NDUFAF2: variants seen among roughly 807,000 people sequenced by gnomAD.
The protein encoded by NDUFAF2 is NADH:ubiquinone oxidoreductase complex assembly factor 2.
NDUFAF2 carries 13 observed loss-of-function variants against 22.8 expected under a neutral mutation model. The observed-to-expected ratio is 0.57, with a 90% CI of 0.37 to 0.91. The LOEUF is 0.91. Among genes scored for constraint, NDUFAF2 ranks in the 40% least tolerant of loss-of-function variants. NDUFAF2 has a pLI of 0.01. For synonymous variants in NDUFAF2, 53 were observed against 64.2 expected, an observed-to-expected ratio of 0.83 and a Z score of 0.84; for missense variants, 162 against 195.2, an observed-to-expected ratio of 0.83 and a Z score of 1.01.
intron 3 of NDUFAF2, among the ~76,000 whole-genome samples, chr5:61,138,215 C>A (rs916154538): frequency 1.3e-5 from 2 of 152,062 alleles, no homozygotes. Context: ...CATGAAAGGT[C>A]ACTCTGATTT....
chr5:61,082,914 A>G (rs1338749020), intron 2 of NDUFAF2, among the ~76,000 whole-genome samples: 1 of 152,168 alleles, frequency 6.6e-6, no homozygotes, highest in Non-Finnish European at 1.5e-5. Context: ...GTCAAGTGAT[A>G]GTTCTATTTT....
intron 1 of NDUFAF2, among the ~76,000 whole-genome samples, chr5:60,984,866 G>A (rs1196891117): frequency 6.6e-6 from 1 of 151,776 alleles, no homozygotes; most frequent in African/African-American, 2.4e-5. Flanking sequence ...TTTTTTTGTT[G>A]TGTCTCTGCC....
intron 2 of NDUFAF2, among the ~76,000 whole-genome samples, chr5:61,090,539 A>G (rs1752553606): frequency 6.6e-6 from 1 of 152,078 alleles, no homozygotes; most frequent in Admixed American, 6.6e-5. Context: ...TGATTTTTCT[A>G]AAGCTAGAAT....
At chr5:61,127,298 C>T (rs928535663) in intron 3 of NDUFAF2, among the ~76,000 whole-genome samples, 4 of 152,118 alleles carry the variant, frequency 2.6e-5, no homozygotes, top group African/African-American at 7.2e-5. Context: ...AGGCCAGCAT[C>T]ATCCTGATAC....
At chr5:61,034,426 T>G (rs373013299) in intron 1 of NDUFAF2, among the ~76,000 whole-genome samples, 19 of 152,304 alleles carry the variant, frequency 1.2e-4, no homozygotes, top group African/African-American at 4.6e-4. Context: ...CTGTAGGCAC[T>G]TGTAACACAA....
intron 1 of NDUFAF2, among the ~76,000 whole-genome samples, chr5:60,967,330 T>C (rs1750770880): frequency 6.6e-6 from 1 of 152,050 alleles, no homozygotes; most frequent in Admixed American, 6.6e-5. Flanking sequence ...ATGTCTTTTA[T>C]TTATTTTTCT....
At chr5:61,148,817 A>G (rs1041199735) in intron 3 of NDUFAF2, among the ~76,000 whole-genome samples, 2 of 152,246 alleles carry the variant, frequency 1.3e-5, no homozygotes, top group African/African-American at 4.8e-5. Flanking sequence ...ACATAGTCAC[A>G]TATAAACAAG....
intron 3 of NDUFAF2, among the ~76,000 whole-genome samples, chr5:61,103,780 G>A (rs973136586): frequency 6.6e-6 from 1 of 152,058 alleles, no homozygotes; most frequent in African/African-American, 2.4e-5. Context: ...TTACCTGCAG[G>A]TTACCAGTGA....
Position 61,120,385 on chromosome 5 carries a change from T to C in NDUFAF2, c.258+21353T>C, listed in dbSNP as rs114105044. Among the ~76,000 whole-genome samples the C allele has an allele frequency of 7.2e-3, 1,100 of 152,278 alleles. 10 individuals are homozygous for C. Among genetic ancestry groups the C allele is most frequent in the African/African-American group, 0.025 (1,058 of 41,584 alleles). ...TTTATGCTAGTTTGTGTTATAAATC[T>C]TTTTGGTTTTGAAAACATTTATTTT... On this transcript the variant is annotated intron_variant, in intron 3 of 3. Transcript: ENST00000296597.
At chr5:61,070,152 T>C (rs1380158226) in intron 1 of NDUFAF2, among the ~76,000 whole-genome samples, 1 of 152,212 alleles carries the variant, frequency 6.6e-6, no homozygotes, top group Non-Finnish European at 1.5e-5. Flanking sequence ...ACCAAGTTAA[T>C]TTTTAAATGT....
intron 1 of NDUFAF2, among the ~76,000 whole-genome samples, chr5:60,956,272 G>A (rs1306984464): frequency 6.6e-6 from 1 of 152,006 alleles, no homozygotes; most frequent in East Asian, 1.9e-4. Flanking sequence ...TTTGTGTGTG[G>A]AATCTTTGGG....
At chr5:61,038,273 A>G (rs1324212646) in intron 1 of NDUFAF2, among the ~76,000 whole-genome samples, 1 of 152,224 alleles carries the variant, frequency 6.6e-6, no homozygotes, top group Non-Finnish European at 1.5e-5. Context: ...GAAAGTATAA[A>G]AAAGGCAACA....
At chr5:61,126,240 A>G (rs1241266338) in intron 3 of NDUFAF2, among the ~76,000 whole-genome samples, 2 of 151,964 alleles carry the variant, frequency 1.3e-5, no homozygotes, top group Admixed American at 6.6e-5. Context: ...GATTTGCACA[A>G]CTGGATATAA....
intron 1 of NDUFAF2, among the ~76,000 whole-genome samples, chr5:61,051,828 A>T (rs572450431): frequency 1.6e-4 from 24 of 152,150 alleles, no homozygotes; most frequent in Non-Finnish European, 2.5e-4. Flanking sequence ...GAAAAAGTAG[A>T]ACCAGATATG....
chr5:61,045,056 G>GTAAAATAAAATTTTATTAAATTTTAA (rs1554081100), intron 1 of NDUFAF2, among the ~76,000 whole-genome samples: 2 of 128,680 alleles, frequency 1.6e-5, no homozygotes, highest in Non-Finnish European at 3.3e-5. Flanking sequence ...TTTTAATAAA[G>GTAAAATAAAATTTTATTAAATTTTAA]TAAAATAAAG....
intron 3 of NDUFAF2, among the ~76,000 whole-genome samples, chr5:61,132,791 G>T (rs1293844845): frequency 6.6e-6 from 1 of 152,166 alleles, no homozygotes; most frequent in East Asian, 1.9e-4. Context: ...CACATTGCCT[G>T]AAGTGGATTT....
chr5:61,024,781 A>G (rs1751628874), intron 1 of NDUFAF2, among the ~76,000 whole-genome samples: 2 of 152,164 alleles, frequency 1.3e-5, no homozygotes. Flanking sequence ...TAATGTTTAA[A>G]TAAACATTTT....
intron 1 of NDUFAF2, among the ~76,000 whole-genome samples, chr5:61,056,824 G>T (rs1425928571): frequency 1.4e-5 from 2 of 144,472 alleles, no homozygotes; most frequent in African/African-American, 5.2e-5. Flanking sequence ...AGGAGGCCGA[G>T]GTTGCGGTGA....
intron 1 of NDUFAF2, among the ~76,000 whole-genome samples, chr5:60,977,025 C>G (rs2112576169): frequency 6.6e-6 from 1 of 152,136 alleles, no homozygotes; most frequent in South Asian, 2.1e-4. Flanking sequence ...ATGCCATTTT[C>G]ACAAATTACT....
Sources: allele counts gnomAD v4.1 joint callset (sites outside exome capture counted in the v4.1 genomes callset), GRCh38; gene constraint gnomAD v4.1.1; transcripts MANE v1.5; gene names NCBI Gene and HGNC (gene_info 2026-07-23, HGNC 2026-07-21).